The following COBL variants were observed in gnomAD, a reference collection of about 807,000 sequenced individuals.
COBL encodes the protein protein cordon-bleu.
In COBL, 51 loss-of-function variants were observed where a neutral mutation model predicts 98.8. The observed-to-expected ratio is 0.52, with a 90% CI of 0.41 to 0.65. COBL has a LOEUF of 0.65. Ranked by LOEUF, COBL falls within the 30% of genes least tolerant of loss-of-function variation. The pLI is 0.00. For synonymous variants in COBL, 634 were observed against 651.7 expected (o/e 0.97, Z 0.41); for missense variants, 1,617 against 1,617.5 (o/e 1.00, Z 0.01).
rs200241375 is a variant in COBL, at chr7:51,085,261, C to T, written c.1001G>A (p.Arg334Gln). Residue 334 changes from arginine (R) to glutamine (Q), a missense_variant, in exon 7 of 13, where the codon CGA (arginine) becomes CAA (glutamine). Physicochemically the swap from Arg to Gln is conservative, Grantham distance 43. This residue lies in a region of COBL where 1,304 missense variants were observed against 1,282.0 expected (regional missense o/e 1.02). Transcript: ENST00000265136. ...CTGTGGTGGAGGGGGAGCTGGCGCTCGCCGCTTCTTCTTCTGTAAATCAAT... is the reference window on the plus strand; with the variant it reads ...CTGTGGTGGAGGGGGAGCTGGCGCTTGCCGCTTCTTCTTCTGTAAATCAAT... ...SQIDLQKKKR[R>Q]APAPPPPQPP... 76 of 1,591,662 alleles carry T rather than the reference C, an allele frequency of 4.8e-5. No homozygotes were observed. Among genetic ancestry groups the T allele is most frequent in the Non-Finnish European group, 5.6e-5 (66 of 1,169,450 alleles).
Position 51,085,422 on chromosome 7 carries a change from A to G in COBL, c.958-118T>C, listed in dbSNP as rs925194606. On this transcript the variant is annotated intron_variant, in intron 6 of 12. Transcript: ENST00000265136. ...GACCTGCACCGGAAGGTGGTGCTCCAGGAGGGTTGTTAGATGGCCAGTTCC... is the reference window on the plus strand; with the variant it reads ...GACCTGCACCGGAAGGTGGTGCTCCGGGAGGGTTGTTAGATGGCCAGTTCC... The G allele has an allele frequency of 1.0e-5, 12 of 1,172,678 alleles. No homozygotes were observed. The African/African-American group carries it at 1.8e-4, about 18-fold the overall frequency. The allele number at this position is 1,172,678 out of a possible 1,614,324, so 72.6% of individuals were successfully genotyped here. A position where few individuals can be genotyped will look rare whatever the true frequency, so the allele number is the denominator to read the frequency against.
intron 5 of COBL, among the ~76,000 whole-genome samples, chr7:51,159,558 G>A (rs1786568494): frequency 6.6e-6 from 1 of 152,170 alleles, no homozygotes; most frequent in Admixed American, 6.5e-5. Context: ...GGGAAGGCCA[G>A]AAAGGAAACA....
intron 7 of COBL, among the ~76,000 whole-genome samples, chr7:51,084,297 G>A (rs1411643193): frequency 1.3e-5 from 2 of 152,078 alleles, no homozygotes; most frequent in African/African-American, 2.4e-5. Context: ...AAGGCAAAAC[G>A]CGGGGCTGCC....
At chr7:51,302,769 A>G (rs1182082611) in intron 1 of COBL, among the ~76,000 whole-genome samples, 1 of 152,144 alleles carries the variant, frequency 6.6e-6, no homozygotes, top group Non-Finnish European at 1.5e-5. Flanking sequence ...TTCTGGTAAT[A>G]ATTGTGCTTT....
intron 1 of COBL, among the ~76,000 whole-genome samples, chr7:51,294,514 A>G (rs1554464132): frequency 6.6e-6 from 1 of 151,524 alleles, no homozygotes; most frequent in Non-Finnish European, 1.5e-5. Context: ...GTGGAGGCAC[A>G]TGCCTATAAT....
chr7:51,142,359 CAA>C (rs952909492), intron 5 of COBL, among the ~76,000 whole-genome samples: 3 of 147,256 alleles, frequency 2.0e-5, no homozygotes, highest in African/African-American at 5.0e-5. Flanking sequence ...AATGAGCAAA[CAA>C]AGAGTATCCA....
intron 5 of COBL, among the ~76,000 whole-genome samples, chr7:51,153,852 C>T (rs1388934152): frequency 6.6e-6 from 1 of 152,192 alleles, no homozygotes; most frequent in East Asian, 1.9e-4. Flanking sequence ...GTTTTTATTT[C>T]CCAGACTCCT....
chr7:51,122,860 T>C (rs764051060), intron 6 of COBL, among the ~76,000 whole-genome samples: 1 of 151,730 alleles, frequency 6.6e-6, no homozygotes, highest in Admixed American at 6.6e-5. Flanking sequence ...ATGGCTATAA[T>C]CCCAGCGACT....
At chr7:51,199,236 C>T (rs1790890503) in intron 2 of COBL, among the ~76,000 whole-genome samples, 1 of 152,172 alleles carries the variant, frequency 6.6e-6, no homozygotes, top group Non-Finnish European at 1.5e-5. Context: ...GTCCCAACTG[C>T]AGACCCTGAA....
intron 7 of COBL, among the ~76,000 whole-genome samples, chr7:51,080,595 C>G (rs1793554262): frequency 6.6e-6 from 1 of 152,192 alleles, no homozygotes; most frequent in African/African-American, 2.4e-5. Flanking sequence ...TGTGAGATGC[C>G]TGGTGGACCG....
chr7:51,017,347 C>T lies in COBL; in HGVS notation c.*204G>A, dbSNP rs1272936210. The T allele has an allele frequency of 3.3e-6, 2 of 611,820 alleles. No homozygotes were observed. The highest frequency in any genetic ancestry group is 5.5e-5 in the East Asian group (2 of 36,436). 37.9% of individuals were successfully genotyped at this position (611,820 alleles called of 1,614,324 possible). On this transcript the variant is annotated 3_prime_UTR_variant, in exon 13 of 13. Coordinates refer to ENST00000265136, the MANE Select transcript of COBL (RefSeq NM_015198.5). The stretch of plus-strand genomic sequence containing the variant: ...TCAGAGGCAAAACACATTTCCTTGG[C>T]ACACGAGCTGCGCAGCGACACAGCA...
rs1562796024 is a variant in COBL, at chr7:51,018,908, ATATATATATAT to A, written c.3769-1351_3769-1341del. ...CTCCATCTCAAAAAAAAAAAAAAAT[ATATATATATAT>A]ATATATATATATATATATATATATA... On this transcript the variant is annotated intron_variant, in intron 12 of 12. Coordinates refer to ENST00000265136, the MANE Select transcript of COBL (RefSeq NM_015198.5). 8.0e-3 allele frequency among the ~76,000 whole-genome samples: 243 copies of A among 30,256 alleles called. 40 individuals are homozygous for A. The highest frequency in any genetic ancestry group is 0.029 in the African/African-American group (221 of 7,638). 19.8% of individuals were successfully genotyped at this position (30,256 alleles called of 152,430 possible).
chr7:51,216,328 G>A (rs1050870888), intron 2 of COBL, among the ~76,000 whole-genome samples: 5 of 152,170 alleles, frequency 3.3e-5, no homozygotes, highest in Non-Finnish European at 5.9e-5. Flanking sequence ...TTACAGGGAA[G>A]CACCACCACA....
At chr7:51,145,726 A>G (rs1039880576) in intron 5 of COBL, among the ~76,000 whole-genome samples, 2 of 152,180 alleles carry the variant, frequency 1.3e-5, no homozygotes, top group East Asian at 3.9e-4. Flanking sequence ...AGTGCTTTCC[A>G]CAGTGGCTGT....
At chr7:51,195,074 C>T (rs1004265777) in intron 2 of COBL, among the ~76,000 whole-genome samples, 1 of 151,910 alleles carries the variant, frequency 6.6e-6, no homozygotes, top group Non-Finnish European at 1.5e-5. Context: ...TCGGAGTCTT[C>T]GTCATAAAAT....
intron 7 of COBL, among the ~76,000 whole-genome samples, chr7:51,084,913 G>A (rs1256853509): frequency 5.9e-5 from 9 of 151,996 alleles, no homozygotes; most frequent in Non-Finnish European, 1.0e-4. Flanking sequence ...ACCCTCTCCC[G>A]GCTCCTGCAG....
rs755954854 is a variant in COBL at position 51,043,418 on chromosome 7, CA to C, written c.1370del (p.Leu457CysfsTer12). The C allele has an allele frequency of 6.2e-7, 1 of 1,614,208 alleles. No homozygotes were observed. The highest frequency in any genetic ancestry group is 8.5e-7 in the Non-Finnish European group (1 of 1,180,026). On this transcript the variant is annotated frameshift_variant, in exon 8 of 13. Coordinates refer to ENST00000265136, the MANE Select transcript of COBL (RefSeq NM_015198.5). LOFTEE classifies it high-confidence loss of function. ...AGTTCTCAGAGCCATTCTTCTCCCA[CA>C]AGGGGCTCTTCTGGGGACCCAGGTC... ...TPDLGPQKSP[L>X]WEKNGSENSH... is the part of the protein sequence containing the mutation.
Position 51,159,035 on chromosome 7 carries a change from C to G in COBL, c.784-22704G>C, listed in dbSNP as rs76074502. On this transcript the variant is annotated intron_variant, in intron 5 of 12. Coordinates refer to ENST00000265136, the MANE Select transcript of COBL (RefSeq NM_015198.5). ...GGACACCCTGTCTATAGTCCACTTC[C>G]TTTTTTTAAGAACCTGGATCAAGAC... Among the ~76,000 whole-genome samples, 855 of 152,272 alleles carry G rather than the reference C, an allele frequency of 5.6e-3. 23 individuals are homozygous for G. The South Asian group carries it at 0.071, about 13-fold the overall frequency.
At chr7:51,092,065 G>A (rs1245176949) in intron 6 of COBL, among the ~76,000 whole-genome samples, 1 of 152,222 alleles carries the variant, frequency 6.6e-6, no homozygotes, top group Non-Finnish European at 1.5e-5. Context: ...TACTGCCTGA[G>A]CTCTGCCTCA....
Sources: allele counts gnomAD v4.1 joint callset (sites outside exome capture counted in the v4.1 genomes callset), GRCh38; gene constraint gnomAD v4.1.1; regional missense constraint gnomAD v4.1.1; transcripts MANE v1.5; gene names NCBI Gene and HGNC (gene_info 2026-07-23, HGNC 2026-07-21).